Variants in THRAP3 observed in about 807,000 individuals in gnomAD.
THRAP3 encodes thyroid hormone receptor associated protein 3.
Under a neutral mutation model 101.0 loss-of-function variants are expected in THRAP3, and 16 were observed. The ratio of observed to expected loss-of-function variants is 0.16; its 90% CI spans 0.11 to 0.24. THRAP3 has a LOEUF of 0.24. Ranked by LOEUF, THRAP3 falls within the 10% of genes least tolerant of loss-of-function variation. The probability of loss-of-function intolerance (pLI) is 1.00; values close to 1 mark genes in which losing one functional copy is unlikely to be tolerated. For synonymous variants in THRAP3, 407 were observed against 422.6 expected, an observed-to-expected ratio of 0.96 and a Z score of 0.45; for missense variants, 989 against 1,202.7, an observed-to-expected ratio of 0.82 and a Z score of 2.63.
At chr1:36,232,900 A>C (rs1186421619) in intron 1 of THRAP3, among the ~76,000 whole-genome samples, 2 of 134,380 alleles carry the variant, frequency 1.5e-5, no homozygotes, top group Non-Finnish European at 3.3e-5. Flanking sequence ...TTTTTGAGAC[A>C]GTCTCACTCT....
At chr1:36,271,285 A>G (rs1162517058) in intron 2 of THRAP3, among the ~76,000 whole-genome samples, 3 of 152,064 alleles carry the variant, frequency 2.0e-5, no homozygotes, top group African/African-American at 7.2e-5. Context: ...AACACAGGCA[A>G]ATTTTTTTTT....
At chr1:36,243,428 GT>G in intron 1 of THRAP3, among the ~76,000 whole-genome samples, 1 of 151,884 alleles carries the variant, frequency 6.6e-6, no homozygotes, top group Non-Finnish European at 1.5e-5. Flanking sequence ...TCAAGCATCT[GT>G]TTAACAAAGC....
intron 2 of THRAP3, among the ~76,000 whole-genome samples, chr1:36,260,556 C>G (rs1337373826): frequency 6.6e-6 from 1 of 152,220 alleles, no homozygotes; most frequent in African/African-American, 2.4e-5. Context: ...AGGCACCTGG[C>G]TCACGCCTGT....
At chr1:36,231,657 A>G (rs1260593138) in intron 1 of THRAP3, among the ~76,000 whole-genome samples, 1 of 152,118 alleles carries the variant, frequency 6.6e-6, no homozygotes, top group Non-Finnish European at 1.5e-5. Flanking sequence ...TTTTAGTAAA[A>G]AGGATGGCAT....
chr1:36,220,839 C>G (rs1644898992), upstream of THRAP3, among the ~76,000 whole-genome samples: 1 of 151,044 alleles, frequency 6.6e-6, no homozygotes, highest in Non-Finnish European at 1.5e-5. Flanking sequence ...CCTGTAATCT[C>G]AGCTACTCGG....
intron 9 of THRAP3, among the ~76,000 whole-genome samples, chr1:36,297,129 C>G (rs1264929899): frequency 2.6e-5 from 4 of 152,188 alleles, no homozygotes; most frequent in Non-Finnish European, 5.9e-5. Context: ...GGCCCAAAGT[C>G]ATTGTCAAGT....
intron 2 of THRAP3, among the ~76,000 whole-genome samples, chr1:36,265,202 T>C (rs1645497768): frequency 6.6e-6 from 1 of 152,212 alleles, no homozygotes. Flanking sequence ...ATTAGTATGG[T>C]ACATTTGTCC....
chr1:36,289,514 T>C lies in THRAP3; in HGVS notation c.1495T>C (p.Ser499Pro), dbSNP rs751910995. Residue 499 changes from serine (S) to proline (P), a missense_variant, in exon 5 of 12, where the codon TCC becomes CCC. Ser to Pro is a moderately conservative substitution (Grantham distance 74). Transcript: ENST00000354618. ...GGAGGAGGAGTCTTTCCCAGAGAGA[T>C]CCAAAAAGGAAGATCGGGGCAAGAG... Reference protein sequence around the residue: ...ELEEESFPERSKKEDRGKRSE... With the variant: ...ELEEESFPERPKKEDRGKRSE... 6 of 1,613,496 alleles carry C rather than the reference T, an allele frequency of 3.7e-6. No homozygotes were observed. The highest frequency in any genetic ancestry group is 5.1e-6 in the Non-Finnish European group (6 of 1,179,878).
the THRAP3 span, among the ~76,000 whole-genome samples, chr1:36,207,848 C>T: frequency 1.3e-5 from 2 of 151,982 alleles, no homozygotes; most frequent in East Asian, 1.9e-4. Flanking sequence ...GTTGGAGTGC[C>T]GTGGCACGAT....
chr1:36,229,344 C>G (rs7530763), intron 1 of THRAP3, among the ~76,000 whole-genome samples: 3,662 of 151,062 alleles, frequency 0.024, 149 homozygotes, highest in African/African-American at 0.083. Flanking sequence ...GATCTGCCCG[C>G]CTCAGCCTCC....
chr1:36,232,573 T>C (rs922549826), intron 1 of THRAP3, among the ~76,000 whole-genome samples: 3 of 152,230 alleles, frequency 2.0e-5, no homozygotes, highest in Non-Finnish European at 4.4e-5. Flanking sequence ...TTTTATTCAA[T>C]GTTGAATCTA....
chr1:36,209,679 G>T, the THRAP3 span, among the ~76,000 whole-genome samples: 1 of 152,198 alleles, frequency 6.6e-6, no homozygotes, highest in Non-Finnish European at 1.5e-5. Context: ...TGCTTCTGAT[G>T]CAAGAGGGGC....
intron 1 of THRAP3, among the ~76,000 whole-genome samples, chr1:36,233,513 CAA>C (rs750938761): frequency 6.6e-5 from 8 of 121,626 alleles, no homozygotes; most frequent in Non-Finnish European, 8.7e-5. Flanking sequence ...GACTCCATCT[CAA>C]AAAAAAAAAA....
intron 1 of THRAP3, among the ~76,000 whole-genome samples, chr1:36,249,137 G>A (rs988000486): frequency 1.3e-5 from 2 of 151,232 alleles, no homozygotes; most frequent in African/African-American, 4.9e-5. Flanking sequence ...GTCCACCTGG[G>A]CCTCCCAAAG....
chr1:36,303,739 G>A lies in THRAP3; in HGVS notation c.2647-57G>A. ...CACATTTGGGTGCGTGCAGAGAAGAGAGCTCTGGCCACATCTTGTTCACTC... is the reference window on the plus strand; with the variant it reads ...CACATTTGGGTGCGTGCAGAGAAGAAAGCTCTGGCCACATCTTGTTCACTC... On this transcript the variant is annotated intron_variant, in intron 11 of 11. Coordinates refer to ENST00000354618, the MANE Select transcript of THRAP3 (RefSeq NM_005119.4). 2.5e-6 allele frequency: 4 copies of A among 1,611,178 alleles called. 1 individual carries two copies. In the South Asian group the frequency reaches 4.4e-5, roughly 18 times the overall value.
chr1:36,271,313 C>G (rs1166773564), intron 2 of THRAP3, among the ~76,000 whole-genome samples: 1 of 152,032 alleles, frequency 6.6e-6, no homozygotes, highest in Non-Finnish European at 1.5e-5. Context: ...GATGGAGTCT[C>G]ATTCTGTTGC....
intron 1 of THRAP3, among the ~76,000 whole-genome samples, chr1:36,229,412 GTTTTTTTTTTGTTTTTTTTTT>G (rs1645000564): frequency 1.2e-5 from 1 of 80,958 alleles, no homozygotes; most frequent in Non-Finnish European, 3.2e-5. Context: ...TTTTTTTTTT[GTTTTTTTTTTGTTTTTTTTTT>G]TTTGAGAATA....
Position 36,276,449 on chromosome 1 carries a change from G to A in THRAP3, c.-31-6084G>A, listed in dbSNP as rs954790409. ...TGAGGCAGGAGAATGGTGTGAACCC[G>A]GGAGGCGGAGGTTGCAGTGAGCTGA... On this transcript the variant is annotated intron_variant, in intron 2 of 11. Transcript: ENST00000354618. Among the ~76,000 whole-genome samples the A allele has an allele frequency of 5.7e-4, 86 of 151,344 alleles. 1 individual carries two copies. The highest frequency in any genetic ancestry group is 2.0e-3 in the Admixed American group (30 of 15,178).
At chr1:36,287,479 T>TA in intron 4 of THRAP3, 1 of 985,444 alleles carries the variant, frequency 1.0e-6, no homozygotes. Flanking sequence ...TATTGCAGCA[T>TA]AAACTTTCTT....
Sources: allele counts gnomAD v4.1 joint callset (sites outside exome capture counted in the v4.1 genomes callset), GRCh38; gene constraint gnomAD v4.1.1; transcripts MANE v1.5; gene names NCBI Gene and HGNC (gene_info 2026-07-23, HGNC 2026-07-21).